The following TET1 variants were observed in gnomAD, a reference collection of about 807,000 sequenced individuals.
TET1 encodes the protein methylcytosine dioxygenase TET1.
In TET1, 13 loss-of-function variants were observed where a neutral mutation model predicts 148.7. The ratio of observed to expected loss-of-function variants is 0.09; its 90% CI spans 0.06 to 0.14. TET1 has a LOEUF of 0.14. Among genes scored for constraint, TET1 ranks in the 10% least tolerant of loss-of-function variants. TET1 has a pLI of 1.00. For missense variants in TET1, 2,182 were observed against 2,553.8 expected, an observed-to-expected ratio of 0.85 and a Z score of 3.14; for synonymous variants, 907 against 937.2, an observed-to-expected ratio of 0.97 and a Z score of 0.59.
At chr10:68,666,919 A>T in intron 6 of TET1, 126 bp from the exon 7 acceptor site, 1 of 878,202 alleles carries the variant, frequency 1.1e-6, no homozygotes, top group Non-Finnish European at 1.7e-6. Flanking sequence ...CCCCGTCTGT[A>T]GAACAGATTT....
intron 4 of TET1, 124 bp downstream of exon 4, chr10:68,647,129 G>A: frequency 1.9e-6 from 2 of 1,040,450 alleles, no homozygotes; most frequent in Non-Finnish European, 2.7e-6. Context: ...TAACTAAGAT[G>A]GATTAAGTAA....
chr10:68,659,568 C>G (rs892564116), intron 6 of TET1, among the ~76,000 whole-genome samples: 1 of 152,168 alleles, frequency 6.6e-6, no homozygotes, highest in Non-Finnish European at 1.5e-5. Context: ...ATCCACCCAC[C>G]TTGGCCTCCC....
intron 3 of TET1, among the ~76,000 whole-genome samples, chr10:68,628,193 C>T (rs1041812387): frequency 2.0e-5 from 3 of 152,260 alleles, no homozygotes; most frequent in Middle Eastern, 3.4e-3. Flanking sequence ...GTGATCCGCC[C>T]GCCTTGGCCT....
chr10:68,694,082 G>A lies in TET1; in HGVS notation c.*2268G>A. On this transcript the variant is annotated 3_prime_UTR_variant, in exon 12 of 12. Transcript: ENST00000373644. ...GGTAATGTATGCAGTAATTCAAATT[G>A]ATCTCTCTCTCAATAGGTTTCTTAA... 1 of 232,152 alleles carries A rather than the reference G, an allele frequency of 4.3e-6. No individual in the cohort carries two copies. Among genetic ancestry groups the A allele is most frequent in the Non-Finnish European group, 8.5e-6 (1 of 117,440 alleles). The allele number at this position is 232,152 out of a possible 1,614,324, so 14.4% of individuals were successfully genotyped here.
chr10:68,586,485 G>GTTT (rs11437924), intron 2 of TET1, among the ~76,000 whole-genome samples: 16 of 133,490 alleles, frequency 1.2e-4, no homozygotes, highest in Admixed American at 3.8e-4. Context: ...GCCAGCTAAC[G>GTTT]TTTTTTTTTT....
At chr10:68,673,501 T>G (rs1260946777) in intron 8 of TET1, 2 of 344,032 alleles carry the variant, frequency 5.8e-6, no homozygotes, top group African/African-American at 4.4e-5. Context: ...AGCAAAGAAA[T>G]TAGTCGAACT....
At chr10:68,561,302 CG>C (rs2053550495) in intron 1 of TET1, among the ~76,000 whole-genome samples, 1 of 152,074 alleles carries the variant, frequency 6.6e-6, no homozygotes, top group Non-Finnish European at 1.5e-5. Flanking sequence ...AACGCTTTGG[CG>C]CCTGTCTCCC....
rs375142189 is a variant in TET1 at position 68,668,206 on chromosome 10, TCA to T, written c.4673+951_4673+952del. 2.8e-3 allele frequency among the ~76,000 whole-genome samples: 421 copies of T among 152,344 alleles called. 6 individuals are homozygous for T. The highest frequency in any genetic ancestry group is 9.5e-3 in the African/African-American group (394 of 41,570). On this transcript the variant is annotated intron_variant, in intron 7 of 11. Transcript: ENST00000373644. ...GTGATATAATTTGCAAATATTTTTC[TCA>T]GTTTGTCTTTTTCCTTTGGCTATGT...
chr10:68,675,213 C>A (rs184921654), intron 8 of TET1: 4 of 241,146 alleles, frequency 1.7e-5, no homozygotes, highest in Admixed American at 5.9e-5. Context: ...AAGGAAAATG[C>A]ATATTATGAA....
At chr10:68,660,142 G>C (rs2055084382) in intron 6 of TET1, among the ~76,000 whole-genome samples, 1 of 152,034 alleles carries the variant, frequency 6.6e-6, no homozygotes, top group Non-Finnish European at 1.5e-5. Context: ...TTTGTATGCT[G>C]CCCAGATCAT....
intron 1 of TET1, among the ~76,000 whole-genome samples, chr10:68,567,159 G>T (rs1157081522): frequency 6.6e-6 from 1 of 151,554 alleles, no homozygotes; most frequent in Non-Finnish European, 1.5e-5. Context: ...GATGAAACCA[G>T]TGCCACTAGT....
At position 68,574,160 on chromosome 10, in the gene TET1, T is replaced by C; in HGVS notation, c.1822T>C (p.Tyr608His). 6.2e-7 allele frequency: 1 copy of C among 1,613,886 alleles called. No homozygotes were observed. Among genetic ancestry groups the C allele is most frequent in the South Asian group, 1.1e-5 (1 of 91,088 alleles). Residue 608 changes from tyrosine (Y) to histidine (H), a missense_variant, in exon 2 of 12, where the codon TAC becomes CAC. Transcript: ENST00000373644. Reference sequence around the variant, plus strand: ...GAAGACCAACTGTGGTGAATGCACTTACTGCAAGAACAGAAAGAACAGCCA... The same window carrying C: ...GAAGACCAACTGTGGTGAATGCACTCACTGCAAGAACAGAAAGAACAGCCA... ...QQKTNCGECT[Y>H]CKNRKNSHQI...
At chr10:68,667,305 T>C (rs1205334104) in intron 7 of TET1, 49 bp downstream of exon 7, 1 of 1,479,632 alleles carries the variant, frequency 6.8e-7, no homozygotes, top group South Asian at 1.3e-5. Context: ...CTCTATTACA[T>C]ATTGGTAAAA....
chr10:68,609,319 G>A (rs1190154676), intron 3 of TET1, among the ~76,000 whole-genome samples: 9 of 151,976 alleles, frequency 5.9e-5, no homozygotes, highest in Admixed American at 3.9e-4. Context: ...GTGCCACCAC[G>A]CCTGGCTAAT....
At chr10:68,607,773 C>CAT (rs578195881) in intron 3 of TET1, among the ~76,000 whole-genome samples, 7,359 of 147,194 alleles carry the variant, frequency 0.05, 215 homozygotes, top group South Asian at 0.084. Flanking sequence ...CAATGTCATT[C>CAT]ATATATATAT....
chr10:68,648,463 CTA>C (rs2054883823), intron 4 of TET1, among the ~76,000 whole-genome samples: 1 of 152,154 alleles, frequency 6.6e-6, no homozygotes, highest in African/African-American at 2.4e-5. Flanking sequence ...TACCATACAA[CTA>C]TGTTAGAATA....
rs189954821 is a variant in TET1, at chr10:68,664,615, C to T, written c.4462-2430C>T. ...GTTGCCCAAGCTGGTCTCAAATTCC[C>T]GACCTCAAGTGATCTAACCACCTCC... On this transcript the variant is annotated intron_variant, in intron 6 of 11. Coordinates refer to ENST00000373644, the MANE Select transcript of TET1 (RefSeq NM_030625.3). Among the ~76,000 whole-genome samples, 1,253 of 149,332 alleles carry T rather than the reference C, an allele frequency of 8.4e-3. 10 individuals carry two copies. Among genetic ancestry groups the T allele is most frequent in the Middle Eastern group, 0.057 (16 of 282 alleles).
Position 68,572,693 on chromosome 10 carries a change from C to T in TET1, c.355C>T (p.Pro119Ser), listed in dbSNP as rs568924164. ...TSLSRRLSQPPLVVAKSKKVP... is the reference protein window; with the variant it reads ...TSLSRRLSQPSLVVAKSKKVP... ...TCTTAGCAGGCGACTCTCCCAACCC[C>T]CACTGGTCGTAGCCAAATCCAAAAA... Residue 119 changes from proline to serine, a missense_variant, in exon 2 of 12, where the codon CCA becomes TCA. By Grantham distance (74) the Pro-to-Ser change is moderately conservative. This residue lies in a region of TET1 where 665 missense variants were observed against 672.4 expected (regional missense o/e 0.99). Coordinates refer to ENST00000373644, the MANE Select transcript of TET1 (RefSeq NM_030625.3). The T allele has an allele frequency of 1.9e-6, 3 of 1,614,136 alleles. No homozygotes were observed. The highest frequency in any genetic ancestry group is 3.3e-5 in the Admixed American group (2 of 60,010).
At chr10:68,647,304 A>C (rs527908590) in intron 4 of TET1, among the ~76,000 whole-genome samples, 1 of 152,208 alleles carries the variant, frequency 6.6e-6, no homozygotes, top group African/African-American at 2.4e-5. Context: ...CGTGCGTAGC[A>C]TAAGAATGAA....
Sources: allele counts gnomAD v4.1 joint callset (sites outside exome capture counted in the v4.1 genomes callset), GRCh38; gene constraint gnomAD v4.1.1; regional missense constraint gnomAD v4.1.1; transcripts MANE v1.5; gene names NCBI Gene and HGNC (gene_info 2026-07-23, HGNC 2026-07-21).